ANK2: variants seen among roughly 807,000 people sequenced by gnomAD.
ANK2 encodes the protein ankyrin 2.
ANK2 carries 83 observed loss-of-function variants against 360.5 expected under a neutral mutation model. The ratio of observed to expected loss-of-function variants is 0.23; its 90% CI spans 0.19 to 0.28. ANK2 has a LOEUF of 0.28. Among genes scored for constraint, ANK2 ranks in the 10% least tolerant of loss-of-function variants. The probability of loss-of-function intolerance (pLI) is 1.00; values close to 1 mark genes in which losing one functional copy is unlikely to be tolerated. For synonymous variants in ANK2, 1,740 were observed against 1,759.5 expected, an observed-to-expected ratio of 0.99 and a Z score of 0.28; for missense variants, 4,201 against 4,795.7, an observed-to-expected ratio of 0.88 and a Z score of 3.66.
At chr4:112,740,150 GA>G in the ANK2 span, among the ~76,000 whole-genome samples, 81 of 146,296 alleles carry the variant, frequency 5.5e-4, no homozygotes, top group Non-Finnish European at 5.0e-4. Flanking sequence ...TTCTGATGAG[GA>G]AAAAAAAAAG....
intron 20 of ANK2, among the ~76,000 whole-genome samples, chr4:113,289,842 TTTA>T (rs1563463627): frequency 6.6e-6 from 1 of 152,224 alleles, no homozygotes; most frequent in Non-Finnish European, 1.5e-5. Context: ...TTGAGACTTA[TTTA>T]AAGCCTCTAA....
intron 2 of ANK2, among the ~76,000 whole-genome samples, chr4:113,024,902 G>T (rs2058941789): frequency 1.3e-5 from 2 of 152,014 alleles, no homozygotes; most frequent in Non-Finnish European, 2.9e-5. Context: ...TAAATAAAAA[G>T]AAGTCTGTCT....
Position 113,250,760 on chromosome 4 carries a change from C to A in ANK2, c.990+898C>A, listed in dbSNP as rs537481636. ...CCATTCCACCTCATACCACCGCCCC[C>A]CCCCCCGACAGAGTTGGTATCAACT... On this transcript the variant is annotated intron_variant, in intron 10 of 45. Coordinates refer to ENST00000357077, the MANE Select transcript of ANK2 (RefSeq NM_001148.6). Among the ~76,000 whole-genome samples, 3 of 136,620 alleles carry A rather than the reference C, an allele frequency of 2.2e-5. 1 individual carries two copies. The highest frequency in any genetic ancestry group is 2.2e-4 in the East Asian group (1 of 4,540). The allele number at this position is 136,620 out of a possible 152,430, so 89.6% of individuals were successfully genotyped here. A position where few individuals can be genotyped will look rare whatever the true frequency, so the allele number is the denominator to read the frequency against.
chr4:113,156,984 A>C (rs541982325), intron 1 of ANK2, among the ~76,000 whole-genome samples: 1 of 152,114 alleles, frequency 6.6e-6, no homozygotes, highest in East Asian at 1.9e-4. Context: ...AGAGCAAAAA[A>C]GGCATGAAAG....
At chr4:112,815,554 G>C (rs372985382), upstream of ANK2, among the ~76,000 whole-genome samples, 16 of 152,180 alleles carry the variant, frequency 1.1e-4, no homozygotes, top group African/African-American at 3.4e-4. Context: ...GACTCTTGGT[G>C]GGGGCAGGGG....
chr4:112,852,619 AAAC>A (rs1312328071), intron 1 of ANK2, among the ~76,000 whole-genome samples: 1 of 152,244 alleles, frequency 6.6e-6, no homozygotes, highest in Non-Finnish European at 1.5e-5. Flanking sequence ...GAGTCTTAAA[AAAC>A]AACAAACATT....
At chr4:113,090,543 T>C (rs182142203) in intron 1 of ANK2, among the ~76,000 whole-genome samples, 1 of 152,292 alleles carries the variant, frequency 6.6e-6, no homozygotes, top group East Asian at 1.9e-4. Context: ...TTTGGTCCTT[T>C]TTTGGAGTTG....
intron 43 of ANK2, chr4:113,372,690 C>T (rs1282481735): frequency 8.6e-7 from 1 of 1,167,418 alleles, no homozygotes; most frequent in East Asian, 2.5e-5. Context: ...GAGTGATCAA[C>T]CTGGATCAAT....
intron 2 of ANK2, among the ~76,000 whole-genome samples, chr4:112,960,795 T>G (rs1163462884): frequency 6.6e-6 from 1 of 152,172 alleles, no homozygotes; most frequent in Non-Finnish European, 1.5e-5. Flanking sequence ...GCTTGTCAAG[T>G]TTCCTCATCT....
intron 1 of ANK2, among the ~76,000 whole-genome samples, chr4:113,064,678 A>G (rs1422568279): frequency 6.6e-6 from 1 of 152,218 alleles, no homozygotes. Context: ...AGTCAATTTT[A>G]ACTTTTAAGA....
At chr4:113,244,083 A>G (rs1031252655) in intron 9 of ANK2, among the ~76,000 whole-genome samples, 10 of 152,360 alleles carry the variant, frequency 6.6e-5, no homozygotes, top group Middle Eastern at 3.4e-3. Flanking sequence ...AAAGAGTACT[A>G]AGAAATGAAG....
At position 113,174,487 on chromosome 4, in the gene ANK2, G is replaced by C; in HGVS notation, c.156G>C (p.Lys52Asn). 6.2e-7 allele frequency: 1 copy of C among 1,612,664 alleles called. No individual in the cohort carries two copies. The change falls in exon 2 of 46, where the codon AAG becomes AAC. Residue 52 changes from lysine (K) to asparagine (N), a missense_variant. Lys to Asn is a moderately conservative substitution (Grantham distance 94, BLOSUM62 0). This residue lies in a region of ANK2 where 169 missense variants were observed against 191.1 expected (regional missense o/e 0.88). Transcript: ENST00000357077. Reference protein sequence around the residue: ...GNLDKVVEYLKGGIDINTCNQ... With the variant: ...GNLDKVVEYLNGGIDINTCNQ... Reference sequence around the variant, plus strand: ...TGGACAAAGTTGTGGAATATCTGAAGGGGGGCATAGACATCAATACCTGCA... The same window carrying C: ...TGGACAAAGTTGTGGAATATCTGAACGGGGGCATAGACATCAATACCTGCA...
At chr4:113,157,346 T>A (rs1001109303) in intron 1 of ANK2, among the ~76,000 whole-genome samples, 1 of 152,230 alleles carries the variant, frequency 6.6e-6, no homozygotes, top group South Asian at 2.1e-4. Context: ...CGTGCTGTTA[T>A]AGAAACAGAG....
At chr4:113,053,527 G>A (rs1053852422) in intron 1 of ANK2, among the ~76,000 whole-genome samples, 1 of 152,124 alleles carries the variant, frequency 6.6e-6, no homozygotes, top group African/African-American at 2.4e-5. Context: ...AGAAGCATTG[G>A]TAGCTATGTG....
rs565227182 is a variant in ANK2, at chr4:113,155,462, G to C, written c.85-18954G>C. Among the ~76,000 whole-genome samples the C allele has an allele frequency of 1.2e-4, 19 of 152,232 alleles. No homozygotes were observed. In the South Asian group the frequency reaches 3.3e-3, roughly 27 times the overall value. ...AAAGGAGACATTGGAGAAATTTAAA[G>C]TGGGTTCTAAGATTTTCCACAATTG... On this transcript the variant is annotated intron_variant, in intron 1 of 45. Transcript: ENST00000357077.
chr4:112,852,141 G>A (rs947400320), intron 1 of ANK2, among the ~76,000 whole-genome samples: 7 of 152,106 alleles, frequency 4.6e-5, no homozygotes, highest in African/African-American at 9.7e-5. Flanking sequence ...GCTCTAATAC[G>A]TATTATCCTT....
chr4:113,221,515 C>T (rs1259149256), intron 4 of ANK2, among the ~76,000 whole-genome samples: 1 of 151,934 alleles, frequency 6.6e-6, no homozygotes, highest in Non-Finnish European at 1.5e-5. Context: ...CAAAAATTAG[C>T]AGGCATGGTG....
At chr4:113,233,981 T>A (rs1432567955) in intron 5 of ANK2, among the ~76,000 whole-genome samples, 3 of 152,234 alleles carry the variant, frequency 2.0e-5, no homozygotes, top group Non-Finnish European at 4.4e-5. Context: ...CATCTTTGCA[T>A]CAGGGCCTCT....
At chr4:112,816,631 G>A (rs956017642), upstream of ANK2, among the ~76,000 whole-genome samples, 8 of 151,912 alleles carry the variant, frequency 5.3e-5, no homozygotes, top group African/African-American at 1.4e-4. Context: ...GAAAACCAAG[G>A]GTTTGCATAT....
Sources: gnomAD v4.1 joint callset for allele counts (sites outside exome capture counted in the v4.1 genomes callset) on GRCh38, gnomAD v4.1.1 for gene constraint, gnomAD v4.1.1 regional missense constraint, MANE v1.5 for transcripts, NCBI Gene and HGNC (gene_info 2026-07-23, HGNC 2026-07-21) for gene names.